The following IL1R1 variants were observed in gnomAD, a reference collection of about 807,000 sequenced individuals.
IL1R1 encodes interleukin 1 receptor type 1, also known as interleukin-1 receptor type 1.
A neutral mutation model predicts 50.2 loss-of-function variants in IL1R1; 22 were observed. The observed-to-expected ratio is 0.44, with a 90% CI of 0.31 to 0.63. The LOEUF is 0.63. Among genes scored for constraint, IL1R1 ranks in the 20% least tolerant of loss-of-function variants. IL1R1 has a pLI of 0.07. For synonymous variants in IL1R1, 251 were observed against 236.7 expected (o/e 1.06, Z -0.55); for missense variants, 509 against 676.2 (o/e 0.75, Z 2.74).
chr2:102,129,786 CA>C (rs1681929931), intron 1 of IL1R1, among the ~76,000 whole-genome samples: 1 of 152,154 alleles, frequency 6.6e-6, no homozygotes, highest in African/African-American at 2.4e-5. Context: ...TTATGTAGAG[CA>C]GACGTTCTTG....
At chr2:102,132,687 A>G (rs1682104001) in intron 1 of IL1R1, among the ~76,000 whole-genome samples, 1 of 152,150 alleles carries the variant, frequency 6.6e-6, no homozygotes, top group African/African-American at 2.4e-5. Context: ...AGATCAATAA[A>G]ATTGATAAAC....
chr2:102,138,685 A>T (rs192135710), upstream of IL1R1, among the ~76,000 whole-genome samples: 6 of 152,310 alleles, frequency 3.9e-5, no homozygotes, highest in Middle Eastern at 3.4e-3. Context: ...TAGTTACTTG[A>T]AAGTCAGCAG....
chr2:102,125,024 C>T (rs966021840), intron 1 of IL1R1, among the ~76,000 whole-genome samples: 14 of 152,236 alleles, frequency 9.2e-5, no homozygotes, highest in Non-Finnish European at 2.1e-4. Context: ...CCTCCCTTGA[C>T]ACATGGAGAT....
At chr2:102,103,990 G>GAAAAA (rs72041212), upstream of IL1R1, among the ~76,000 whole-genome samples, 3 of 83,940 alleles carry the variant, frequency 3.6e-5, no homozygotes, top group African/African-American at 9.6e-5. Flanking sequence ...GACTGTCTCA[G>GAAAAA]AAAAAAAAAA....
At chr2:102,086,573 G>A (rs1679438876) in intron 1 of IL1R1, among the ~76,000 whole-genome samples, 1 of 151,522 alleles carries the variant, frequency 6.6e-6, no homozygotes, top group Non-Finnish European at 1.5e-5. Flanking sequence ...CATATATTTT[G>A]GCAGAGCCAG....
At chr2:102,121,041 T>G (rs1003197597) in intron 1 of IL1R1, among the ~76,000 whole-genome samples, 1 of 152,174 alleles carries the variant, frequency 6.6e-6, no homozygotes, top group African/African-American at 2.4e-5. Context: ...CTAGTGTTAA[T>G]CTGCATCCTG....
At chr2:102,075,484 A>G (rs967051402) in intron 1 of IL1R1, among the ~76,000 whole-genome samples, 1 of 152,228 alleles carries the variant, frequency 6.6e-6, no homozygotes. Context: ...AATGTTAAAG[A>G]GGTGATTACC....
intron 1 of IL1R1, among the ~76,000 whole-genome samples, chr2:102,097,531 A>T (rs1679958262): frequency 6.6e-6 from 1 of 152,186 alleles, no homozygotes; most frequent in African/African-American, 2.4e-5. Context: ...AAGAAAAAAG[A>T]CTATAAAATA....
intron 1 of IL1R1, among the ~76,000 whole-genome samples, chr2:102,099,051 T>C (rs1378499567): frequency 6.6e-6 from 1 of 152,180 alleles, no homozygotes; most frequent in African/African-American, 2.4e-5. Flanking sequence ...AACTTCCTTA[T>C]TCACTAAAAT....
chr2:102,098,196 T>C (rs891161010), intron 1 of IL1R1, among the ~76,000 whole-genome samples: 4 of 152,096 alleles, frequency 2.6e-5, no homozygotes, highest in African/African-American at 9.7e-5. Flanking sequence ...TTTTTCATAA[T>C]ATCCAATATC....
intron 1 of IL1R1, among the ~76,000 whole-genome samples, chr2:102,091,229 G>A (rs1255428403): frequency 2.6e-5 from 4 of 152,152 alleles, no homozygotes; most frequent in African/African-American, 9.7e-5. Flanking sequence ...TTGAGGCAGG[G>A]CTTCTTCTAG....
chr2:102,102,339 C>T (rs1182065079), upstream of IL1R1, among the ~76,000 whole-genome samples: 1 of 152,174 alleles, frequency 6.6e-6, no homozygotes, highest in Non-Finnish European at 1.5e-5. Context: ...CACCTGGGCT[C>T]TACCCCTGCC....
chr2:102,128,930 G>A (rs1681875112), intron 1 of IL1R1, among the ~76,000 whole-genome samples: 1 of 152,122 alleles, frequency 6.6e-6, no homozygotes, highest in Admixed American at 6.6e-5. Context: ...TAGCCAGTGT[G>A]GTGGCTCACT....
intron 7 of IL1R1, among the ~76,000 whole-genome samples, chr2:102,171,377 T>G (rs1372395206): frequency 6.6e-6 from 1 of 152,178 alleles, no homozygotes; most frequent in Non-Finnish European, 1.5e-5. Flanking sequence ...TTTTAATACT[T>G]CAGGATGTGT....
chr2:102,147,377 T>C (rs13035227), intron 1 of IL1R1, among the ~76,000 whole-genome samples: 28,430 of 152,172 alleles, frequency 0.19, 3,468 homozygotes, highest in African/African-American at 0.34. Flanking sequence ...TGTTCTTGCC[T>C]GACTGGGAGG....
At chr2:102,167,513 T>A (rs1685294510) in intron 6 of IL1R1, among the ~76,000 whole-genome samples, 1 of 147,266 alleles carries the variant, frequency 6.8e-6, no homozygotes, top group Admixed American at 7.0e-5. Flanking sequence ...AGTGGTGCGA[T>A]CTCCGCTCAC....
chr2:102,125,645 G>A (rs768725836), intron 1 of IL1R1, among the ~76,000 whole-genome samples: 7 of 152,230 alleles, frequency 4.6e-5, no homozygotes, highest in Admixed American at 6.5e-5. Context: ...CACTGCTGGG[G>A]TATCAGCTGA....
intron 1 of IL1R1, among the ~76,000 whole-genome samples, chr2:102,150,790 G>C (rs928658141): frequency 6.6e-6 from 1 of 152,162 alleles, no homozygotes; most frequent in Non-Finnish European, 1.5e-5. Context: ...AGCACTGCCC[G>C]CTGTCTTTCC....
At chr2:102,114,765 A>G (rs1314398355) in intron 1 of IL1R1, among the ~76,000 whole-genome samples, 1 of 152,110 alleles carries the variant, frequency 6.6e-6, no homozygotes, top group East Asian at 1.9e-4. Flanking sequence ...TATGACATAT[A>G]TCTATAGAAC....
Sources: allele counts gnomAD v4.1 joint callset (sites outside exome capture counted in the v4.1 genomes callset), GRCh38; gene constraint gnomAD v4.1.1; transcripts MANE v1.5; gene names NCBI Gene and HGNC (gene_info 2026-07-23, HGNC 2026-07-21).